Variants in COG7 observed in about 807,000 individuals in gnomAD.
The protein encoded by COG7 is conserved oligomeric Golgi complex subunit 7.
In COG7, 49 loss-of-function variants were observed where a neutral mutation model predicts 91.5. The ratio of observed to expected loss-of-function variants is 0.54; its 90% CI spans 0.43 to 0.68. The LOEUF is 0.68. Ranked by LOEUF, COG7 falls within the 30% of genes least tolerant of loss-of-function variation. The pLI, the probability that COG7 is intolerant of heterozygous loss-of-function variation, is 0.00. For missense variants in COG7, 895 were observed against 961.3 expected (o/e 0.93, Z 0.91); for synonymous variants, 365 against 388.7 (o/e 0.94, Z 0.72).
Position 23,453,047 on chromosome 16 carries a change from G to C in COG7, c.-53C>G. Reference sequence around the variant, plus strand: ...AGAACTTAAGAGTTGGCTCCGGGCGGCAACGGGGATGCAGAAGCGAGCGAG... The same window carrying C: ...AGAACTTAAGAGTTGGCTCCGGGCGCCAACGGGGATGCAGAAGCGAGCGAG... On this transcript the variant is annotated 5_prime_UTR_variant, in exon 1 of 17. Coordinates refer to ENST00000307149, the MANE Select transcript of COG7 (RefSeq NM_153603.4). 6.2e-7 allele frequency: 1 copy of C among 1,610,390 alleles called. No individual in the cohort carries two copies. Among genetic ancestry groups the C allele is most frequent in the Non-Finnish European group, 8.5e-7 (1 of 1,178,008 alleles).
In COG7 at chr16:23,416,979, G is replaced by T. The variant is rs1963666206; in HGVS notation, c.1280C>A (p.Ser427Tyr). The T allele has an allele frequency of 1.1e-5, 17 of 1,614,086 alleles. No homozygotes were observed. Among genetic ancestry groups the T allele is most frequent in the Non-Finnish European group, 1.4e-5 (17 of 1,180,050 alleles). Reference sequence around the variant, plus strand: ...TCCCCAGCCTTACTTGGCAAAGAGGGATTTCAGGGCTGACAACAGGCCGCA... The same window carrying T: ...TCCCCAGCCTTACTTGGCAAAGAGGTATTTCAGGGCTGACAACAGGCCGCA... ...GTCGLLSALK[S>Y]LFAKYVSDFT... The change falls in exon 9 of 17, where the codon TCC (serine) becomes TAC (tyrosine). Residue 427 changes from serine to tyrosine, a missense_variant. Coordinates refer to ENST00000307149, the MANE Select transcript of COG7 (RefSeq NM_153603.4).
At chr16:23,420,432 T>A (rs1963735399) in intron 7 of COG7, among the ~76,000 whole-genome samples, 1 of 152,174 alleles carries the variant, frequency 6.6e-6, no homozygotes, top group South Asian at 2.1e-4. Context: ...TCAGCTAGTT[T>A]TATTATTACT....
chr16:23,392,078 A>G, intron 16 of COG7: 1 of 1,298,002 alleles, frequency 7.7e-7, no homozygotes, highest in Non-Finnish European at 9.9e-7. Flanking sequence ...TATGGCACAA[A>G]TGGAGCGGGC....
chr16:23,410,574 T>C (rs1433830113), intron 10 of COG7, among the ~76,000 whole-genome samples: 3 of 152,226 alleles, frequency 2.0e-5, no homozygotes, highest in Non-Finnish European at 4.4e-5. Context: ...ACCTCCATTG[T>C]CACTGGCATC....
intron 14 of COG7, chr16:23,393,637 G>T (rs1596905613): frequency 4.7e-6 from 2 of 426,034 alleles, no homozygotes; most frequent in East Asian, 9.6e-5. Context: ...ATATCAAAAT[G>T]CTTTGTAAAA....
chr16:23,424,156 G>A (rs376509177), intron 7 of COG7, among the ~76,000 whole-genome samples: 1 of 152,106 alleles, frequency 6.6e-6, no homozygotes, highest in Non-Finnish European at 1.5e-5. Context: ...AATTAGCCAG[G>A]CGTGGTGCTG....
chr16:23,436,962 A>G (rs1964022561), intron 4 of COG7, among the ~76,000 whole-genome samples: 1 of 152,090 alleles, frequency 6.6e-6, no homozygotes, highest in Non-Finnish European at 1.5e-5. Context: ...TTGGGCCACA[A>G]TGGGTGGGGA....
chr16:23,410,154 G>A (rs557532884), intron 11 of COG7, 141 bp downstream of exon 11: 20 of 713,998 alleles, frequency 2.8e-5, no homozygotes, highest in African/African-American at 1.1e-4. Flanking sequence ...ATAATGACAC[G>A]CTGTATCTAG....
chr16:23,414,594 A>G (rs1963622832), intron 9 of COG7: 1 of 152,454 alleles, frequency 6.6e-6, no homozygotes, highest in African/African-American at 2.4e-5. Context: ...ACGCCACTGC[A>G]CTCCAGCCTG....
chr16:23,427,430 C>T (rs985198494), intron 6 of COG7, among the ~76,000 whole-genome samples: 5 of 151,282 alleles, frequency 3.3e-5, no homozygotes, highest in African/African-American at 4.9e-5. Flanking sequence ...GCTGAGATAG[C>T]GCCACTGCAC....
intron 15 of COG7, 65 bp downstream of exon 15, chr16:23,393,168 T>C (rs1172507901): frequency 3.4e-6 from 4 of 1,162,172 alleles, no homozygotes; most frequent in Non-Finnish European, 3.8e-6. Flanking sequence ...AGGTGTCATC[T>C]GGAGTTTCTA....
At chr16:23,399,698 C>T (rs759975707) in intron 13 of COG7, among the ~76,000 whole-genome samples, 18 of 152,036 alleles carry the variant, frequency 1.2e-4, no homozygotes, top group Non-Finnish European at 1.5e-4. Context: ...AGGATGTATG[C>T]GGTACACAGA....
At chr16:23,416,882 G>A (rs1664514610) in intron 9 of COG7, 85 bp downstream of exon 9, 3 of 1,513,868 alleles carry the variant, frequency 2.0e-6, no homozygotes, top group Admixed American at 1.8e-5. Context: ...AGGGTTCAGA[G>A]AACAAATACA....
At chr16:23,392,658 A>G (rs1963218630) in intron 15 of COG7, 135 bp from the exon 16 acceptor site, 3 of 1,009,574 alleles carry the variant, frequency 3.0e-6, no homozygotes, top group African/African-American at 3.1e-5. Context: ...GGCCAGGTGC[A>G]GTGGCTCATG....
chr16:23,449,558 T>A lies in COG7; in HGVS notation c.169+3268A>T, dbSNP rs570060751. On this transcript the variant is annotated intron_variant, in intron 1 of 16. Coordinates refer to ENST00000307149, the MANE Select transcript of COG7 (RefSeq NM_153603.4). ...TGGGAGCTCGAGACCAGCCTGACCA[T>A]CATGTAGAACCCATCTCTACTAAAA... 4.7e-5 allele frequency among the ~76,000 whole-genome samples: 7 copies of A among 149,902 alleles called. No individual in the cohort carries two copies. The East Asian group carries it at 1.2e-3, about 26-fold the overall frequency.
chr16:23,446,206 C>T (rs1647299356), intron 1 of COG7, among the ~76,000 whole-genome samples: 4 of 152,136 alleles, frequency 2.6e-5, no homozygotes, highest in African/African-American at 7.2e-5. Context: ...CACAAAGAAT[C>T]AACAATCAAC....
chr16:23,393,762 C>T (rs1167615973), intron 14 of COG7, among the ~76,000 whole-genome samples: 1 of 152,056 alleles, frequency 6.6e-6, no homozygotes, highest in African/African-American at 2.4e-5. Context: ...TCTTCTGAGG[C>T]CAGGCACAGT....
intron 7 of COG7, among the ~76,000 whole-genome samples, chr16:23,419,512 G>A (rs1963716182): frequency 6.6e-6 from 1 of 151,932 alleles, no homozygotes; most frequent in East Asian, 1.9e-4. Context: ...ACTTTGGGAA[G>A]CGGAGGTGGG....
At chr16:23,415,187 G>C (rs1454350056) in intron 9 of COG7, 1 of 152,242 alleles carries the variant, frequency 6.6e-6, no homozygotes. Flanking sequence ...CCAGGAAGGA[G>C]AGGGGCTGGC....
Sources: gnomAD v4.1 joint callset for allele counts (sites outside exome capture counted in the v4.1 genomes callset) on GRCh38, gnomAD v4.1.1 for gene constraint, MANE v1.5 for transcripts, NCBI Gene and HGNC (gene_info 2026-07-23, HGNC 2026-07-21) for gene names.